The following MVB12B variants were observed in gnomAD, a reference collection of about 807,000 sequenced individuals.
The protein encoded by MVB12B is ESCRT-I complex subunit MVB12B.
MVB12B carries 16 observed loss-of-function variants against 41.6 expected under a neutral mutation model. The observed-to-expected ratio is 0.38, with a 90% CI of 0.26 to 0.58. The LOEUF (loss-of-function observed/expected upper bound fraction) is 0.58. Ranked by LOEUF, MVB12B falls within the 20% of genes least tolerant of loss-of-function variation. The pLI is 0.62. For synonymous variants in MVB12B, 133 were observed against 139.7 expected (o/e 0.95, Z 0.34); for missense variants, 274 against 380.2 (o/e 0.72, Z 2.32).
At chr9:126,343,271 G>A (rs1402870941) in intron 2 of MVB12B, among the ~76,000 whole-genome samples, 1 of 152,218 alleles carries the variant, frequency 6.6e-6, no homozygotes, top group East Asian at 1.9e-4. Context: ...CTATCTGGGA[G>A]TGACTGGTGC....
rs896286898 is a variant in MVB12B, at chr9:126,496,845, G to A, written c.874-6332G>A. Among the ~76,000 whole-genome samples, 3 of 152,108 alleles carry A rather than the reference G, an allele frequency of 2.0e-5. No homozygotes were observed. The South Asian group carries it at 6.2e-4, about 31-fold the overall frequency. The stretch of plus-strand genomic sequence containing the variant: ...TGGGTGGAAGGTGTTTTGTGAGATA[G>A]GGTGCCCTGAAGGTGAGGGCGCTCT... On this transcript the variant is annotated intron_variant, in intron 9 of 9. Coordinates refer to ENST00000361171, the MANE Select transcript of MVB12B (RefSeq NM_033446.3).
chr9:126,408,733 T>C (rs1379557624), intron 6 of MVB12B, among the ~76,000 whole-genome samples: 1 of 152,174 alleles, frequency 6.6e-6, no homozygotes, highest in Non-Finnish European at 1.5e-5. Flanking sequence ...GGGGAGATTA[T>C]GTGGCAAAAT....
intron 6 of MVB12B, chr9:126,396,989 C>T: frequency 1.0e-6 from 1 of 985,586 alleles, no homozygotes; most frequent in Middle Eastern, 5.2e-4. Context: ...TCACTGTCTC[C>T]TGTGCTCAAG....
chr9:126,344,069 C>G (rs1232461077), intron 2 of MVB12B, among the ~76,000 whole-genome samples: 1 of 141,360 alleles, frequency 7.1e-6, no homozygotes. Flanking sequence ...AAAAAAATAG[C>G]AACACAGAGA....
intron 7 of MVB12B, among the ~76,000 whole-genome samples, chr9:126,455,678 G>A (rs1201090759): frequency 2.7e-5 from 4 of 150,516 alleles, no homozygotes; most frequent in African/African-American, 9.8e-5. Flanking sequence ...TAGAGATGGG[G>A]TCTTGCCATG....
intron 7 of MVB12B, among the ~76,000 whole-genome samples, chr9:126,460,697 G>A (rs769871872): frequency 2.6e-5 from 4 of 152,106 alleles, no homozygotes; most frequent in South Asian, 2.1e-4. Flanking sequence ...GGGTGGTAGC[G>A]GCCAGTGGAG....
At chr9:126,467,791 CACA>C (rs1833227956) in intron 7 of MVB12B, among the ~76,000 whole-genome samples, 1 of 152,210 alleles carries the variant, frequency 6.6e-6, no homozygotes, top group Non-Finnish European at 1.5e-5. Context: ...TACTTTCTGG[CACA>C]ACAAGATGTT....
Position 126,376,544 on chromosome 9 carries a change from G to T in MVB12B, c.205-4520G>T. ...GACGAGCAGGGAGCTGGCTCAGATC[G>T]TGGGCTGGTCCACCCTGGCGCTTTC... On this transcript the variant is annotated intron_variant, in intron 2 of 9. Coordinates refer to ENST00000361171, the MANE Select transcript of MVB12B (RefSeq NM_033446.3). The surrounding 1 kb of genome is among the most constrained non-coding windows in gnomAD (Gnocchi z 4.1). 7.8e-7 allele frequency: 1 copy of T among 1,289,356 alleles called. No homozygotes were observed. Among genetic ancestry groups the T allele is most frequent in the Non-Finnish European group, 1.0e-6 (1 of 988,876 alleles). 79.9% of individuals were successfully genotyped at this position (1,289,356 alleles called of 1,614,324 possible). A position where few individuals can be genotyped will look rare whatever the true frequency, so the allele number is the denominator to read the frequency against.
In MVB12B at chr9:126,459,630, C is replaced by T. The variant is rs1346772128; in HGVS notation, c.758-21739C>T. Among the ~76,000 whole-genome samples the T allele has an allele frequency of 2.0e-5, 3 of 152,204 alleles. No homozygotes were observed. Among genetic ancestry groups the T allele is most frequent in the Admixed American group, 1.3e-4 (2 of 15,282 alleles). ...GGCTAAGGATGTGTATTTTCGCACG[C>T]AGCCCAGGTGACTGTGGCATGCCTG... is the stretch of plus-strand genomic sequence containing the variant. On this transcript the variant is annotated intron_variant, in intron 7 of 9. Coordinates refer to ENST00000361171, the MANE Select transcript of MVB12B (RefSeq NM_033446.3). The surrounding 1 kb of genome is among the most constrained non-coding windows in gnomAD (Gnocchi z 4.3).
At chr9:126,456,488 T>C (rs989392411) in intron 7 of MVB12B, among the ~76,000 whole-genome samples, 12 of 152,240 alleles carry the variant, frequency 7.9e-5, no homozygotes, top group African/African-American at 2.9e-4. Context: ...GTGAGTTTTC[T>C]TTTTGTAAAA....
At chr9:126,467,473 T>G (rs1007773085) in intron 7 of MVB12B, among the ~76,000 whole-genome samples, 27 of 152,290 alleles carry the variant, frequency 1.8e-4, no homozygotes, top group African/African-American at 6.3e-4. Flanking sequence ...CCTTTGTAAT[T>G]AGTAGGTAAT....
At chr9:126,378,708 C>G (rs1393636317) in intron 2 of MVB12B, among the ~76,000 whole-genome samples, 2 of 152,056 alleles carry the variant, frequency 1.3e-5, no homozygotes, top group Non-Finnish European at 2.9e-5. Context: ...TACACACTTC[C>G]ACGTCATTGC....
At chr9:126,406,144 G>A (rs1196913246) in intron 6 of MVB12B, among the ~76,000 whole-genome samples, 3 of 151,958 alleles carry the variant, frequency 2.0e-5, no homozygotes, top group African/African-American at 4.8e-5. Flanking sequence ...TCCAAGGGCA[G>A]AGAGTTAGGA....
At chr9:126,443,919 G>T (rs11788891) in intron 7 of MVB12B, among the ~76,000 whole-genome samples, 40,221 of 152,208 alleles carry the variant, frequency 0.26, 5,430 homozygotes, top group Middle Eastern at 0.31. Flanking sequence ...TGCCTGCCCA[G>T]TGCTATCATA....
chr9:126,444,271 A>G (rs1832712541), intron 7 of MVB12B, among the ~76,000 whole-genome samples: 1 of 152,224 alleles, frequency 6.6e-6, no homozygotes, highest in Admixed American at 6.5e-5. Flanking sequence ...ATTTTGACAT[A>G]TAATGACAAA....
chr9:126,440,864 A>G (rs1335302470), intron 7 of MVB12B, among the ~76,000 whole-genome samples: 2 of 152,376 alleles, frequency 1.3e-5, no homozygotes, highest in Non-Finnish European at 2.9e-5. Context: ...TGCATGCACA[A>G]TAAGTTATGC....
Position 126,503,498 on chromosome 9 carries a change from A to G in MVB12B, c.*235A>G. 1.8e-6 allele frequency: 1 copy of G among 568,432 alleles called. No individual in the cohort carries two copies. The highest frequency in any genetic ancestry group is 3.2e-5 in the Admixed American group (1 of 31,404). 35.2% of individuals were successfully genotyped at this position (568,432 alleles called of 1,614,324 possible). On this transcript the variant is annotated 3_prime_UTR_variant, in exon 10 of 10. Coordinates refer to ENST00000361171, the MANE Select transcript of MVB12B (RefSeq NM_033446.3). Reference sequence around the variant, plus strand: ...ACCATGACTAATCTGTGTGTGCTGTAGTGACCAGCGGCTCCTAACGTGTCT... The same window carrying G: ...ACCATGACTAATCTGTGTGTGCTGTGGTGACCAGCGGCTCCTAACGTGTCT...
At chr9:126,362,127 T>A (rs1462021417) in intron 2 of MVB12B, among the ~76,000 whole-genome samples, 1 of 152,160 alleles carries the variant, frequency 6.6e-6, no homozygotes, top group Non-Finnish European at 1.5e-5. Flanking sequence ...GGCTCATTGA[T>A]CTTCTTGAAT....
At chr9:126,453,813 C>T (rs1319304067) in intron 7 of MVB12B, among the ~76,000 whole-genome samples, 1 of 152,166 alleles carries the variant, frequency 6.6e-6, no homozygotes, top group African/African-American at 2.4e-5. Flanking sequence ...TGCATGCTCA[C>T]ATGTGTGCAC....
Sources: gnomAD v4.1 joint callset for allele counts (sites outside exome capture counted in the v4.1 genomes callset) on GRCh38, gnomAD v4.1.1 for gene constraint, Gnocchi (gnomAD v3.1) non-coding constraint, MANE v1.5 for transcripts, NCBI Gene and HGNC (gene_info 2026-07-23, HGNC 2026-07-21) for gene names.